ITPR2: variants seen among roughly 807,000 people sequenced by gnomAD.
The protein encoded by ITPR2 is inositol 1,4,5-trisphosphate receptor type 2.
Under a neutral mutation model 317.1 loss-of-function variants are expected in ITPR2, and 207 were observed. That is an observed-to-expected ratio of 0.65 (90% CI 0.58 to 0.73). ITPR2 has a LOEUF of 0.73. Ranked by LOEUF, ITPR2 falls within the 30% of genes least tolerant of loss-of-function variation. The pLI is 0.00. For missense variants in ITPR2, 2,613 were observed against 3,284.0 expected (o/e 0.80, Z 4.99); for synonymous variants, 1,156 against 1,149.1 (o/e 1.01, Z -0.12).
At chr12:26,423,256 T>C (rs1359797046) in intron 49 of ITPR2, among the ~76,000 whole-genome samples, 1 of 152,046 alleles carries the variant, frequency 6.6e-6, no homozygotes, top group Admixed American at 6.6e-5. Flanking sequence ...ATCACTGAAT[T>C]TGTGTATGTT....
intron 2 of ITPR2, among the ~76,000 whole-genome samples, chr12:26,767,138 C>T (rs981314379): frequency 6.6e-6 from 1 of 152,144 alleles, no homozygotes; most frequent in African/African-American, 2.4e-5. Flanking sequence ...CTTGATGGCC[C>T]TGCAGCAGGC....
intron 32 of ITPR2, among the ~76,000 whole-genome samples, chr12:26,593,207 C>T (rs915128717): frequency 6.6e-6 from 1 of 152,144 alleles, no homozygotes; most frequent in African/African-American, 2.4e-5. Context: ...ACCTGCAGCA[C>T]CACTTAGGAA....
Position 26,697,219 on chromosome 12 carries a change from T to C in ITPR2, c.952-1569A>G, listed in dbSNP as rs139397402. On this transcript the variant is annotated intron_variant, in intron 9 of 56. Coordinates refer to ENST00000381340, the MANE Select transcript of ITPR2 (RefSeq NM_002223.4). ...TAGAAAGAGGACTGAATTTTCATAC[T>C]AGAGAATTTAAAAATTGAACAAAAG... is the stretch of plus-strand genomic sequence containing the variant. Among the ~76,000 whole-genome samples, 134 of 152,254 alleles carry C rather than the reference T, an allele frequency of 8.8e-4. 1 individual carries two copies. In the East Asian group the frequency reaches 0.019, roughly 22 times the overall value.
intron 2 of ITPR2, among the ~76,000 whole-genome samples, chr12:26,727,755 G>C (rs963894687): frequency 2.0e-5 from 3 of 152,186 alleles, no homozygotes; most frequent in Admixed American, 2.0e-4. Context: ...AGCTTCACAA[G>C]GGAGCTCTGG....
chr12:26,577,793 G>T (rs1199398325), intron 34 of ITPR2, among the ~76,000 whole-genome samples: 1 of 152,078 alleles, frequency 6.6e-6, no homozygotes, highest in Non-Finnish European at 1.5e-5. Flanking sequence ...ATTTTAAATG[G>T]TCATTAATTA....
At chr12:26,826,320 T>C (rs1217762908) in intron 1 of ITPR2, among the ~76,000 whole-genome samples, 1 of 152,118 alleles carries the variant, frequency 6.6e-6, no homozygotes, top group East Asian at 1.9e-4. Flanking sequence ...TCTACAACTA[T>C]TTAAACATCA....
Position 26,659,144 on chromosome 12 carries a change from C to A in ITPR2, c.1855G>T (p.Val619Phe), listed in dbSNP as rs1340466395. The A allele has an allele frequency of 2.5e-6, 4 of 1,613,392 alleles. No individual in the cohort carries two copies. The Admixed American group carries it at 6.7e-5, about 27-fold the overall frequency. Residue 619 changes from valine (V) to phenylalanine (F), a missense_variant, in exon 16 of 57, where the codon GTC (valine) becomes TTC (phenylalanine). This residue lies in a region of ITPR2 where 515 missense variants were observed against 789.4 expected (regional missense o/e 0.65). Transcript: ENST00000381340. ...TCCCGATTTCTCCTGAGTAAACTGA[C>A]AAATGTTTCTATTTCTTTTGCTGTG... ...HITAKEIETF[V>F]SLLRRNREPR...
Position 26,597,026 on chromosome 12 carries a change from G to A in ITPR2, c.4111C>T (p.Pro1371Ser). 6.2e-7 allele frequency: 1 copy of A among 1,613,996 alleles called. No homozygotes were observed. Among genetic ancestry groups the A allele is most frequent in the East Asian group, 2.2e-5 (1 of 44,868 alleles). Residue 1371 changes from proline to serine, a missense_variant, in exon 31 of 57, where the codon CCC (proline) becomes TCC (serine). By Grantham distance (74) the Pro-to-Ser change is moderately conservative. This residue lies in a region of ITPR2 where 817 missense variants were observed against 897.6 expected (regional missense o/e 0.91). Transcript: ENST00000381340. ...SERDRGDESG[P>S]LAYHITLVEL... is the part of the protein sequence containing the mutation. ...ACCAGGGTGATGTGGTAGGCTAAGG[G>A]GCCACTCTCATCCCCTCGGTCTCTC...
intron 37 of ITPR2, among the ~76,000 whole-genome samples, chr12:26,513,352 G>C (rs1351208671): frequency 6.6e-6 from 1 of 152,050 alleles, no homozygotes; most frequent in Non-Finnish European, 1.5e-5. Context: ...TTTTAACCCA[G>C]TGAAAAAAGA....
intron 54 of ITPR2, among the ~76,000 whole-genome samples, chr12:26,398,252 G>A (rs191657778): frequency 1.2e-4 from 19 of 152,116 alleles, no homozygotes; most frequent in African/African-American, 1.9e-4. Context: ...GCAAAACCCC[G>A]GCTCTACTGA....
intron 55 of ITPR2, among the ~76,000 whole-genome samples, chr12:26,347,166 A>G (rs1412719729): frequency 6.6e-6 from 1 of 152,214 alleles, no homozygotes; most frequent in African/African-American, 2.4e-5. Flanking sequence ...TATATAATCT[A>G]TCCCTATTCT....
intron 21 of ITPR2, among the ~76,000 whole-genome samples, chr12:26,643,405 G>C (rs767523499): frequency 6.6e-6 from 1 of 152,190 alleles, no homozygotes; most frequent in Non-Finnish European, 1.5e-5. Flanking sequence ...GAGTTTTCAT[G>C]TGCATCCAAG....
chr12:26,753,548 G>A (rs975778892), intron 2 of ITPR2, among the ~76,000 whole-genome samples: 14 of 151,822 alleles, frequency 9.2e-5, no homozygotes, highest in Admixed American at 7.2e-4. Flanking sequence ...TAAGTAACTC[G>A]CCTTCCCCAC....
intron 2 of ITPR2, among the ~76,000 whole-genome samples, chr12:26,788,515 C>T (rs1180897204): frequency 6.6e-6 from 1 of 152,156 alleles, no homozygotes; most frequent in African/African-American, 2.4e-5. Context: ...CTATAGTTCA[C>T]CAAAGAGTGT....
chr12:26,728,999 G>T (rs765246831), intron 2 of ITPR2, among the ~76,000 whole-genome samples: 6 of 152,130 alleles, frequency 3.9e-5, no homozygotes, highest in Non-Finnish European at 8.8e-5. Flanking sequence ...TAGGTTGTCT[G>T]TTTACTTTGT....
intron 1 of ITPR2, among the ~76,000 whole-genome samples, chr12:26,806,851 T>C (rs1950646622): frequency 6.6e-6 from 1 of 152,176 alleles, no homozygotes; most frequent in Non-Finnish European, 1.5e-5. Flanking sequence ...ATTGCAACCA[T>C]CTTAATTTAT....
intron 2 of ITPR2, among the ~76,000 whole-genome samples, chr12:26,736,764 T>A (rs1476212242): frequency 1.3e-5 from 2 of 152,232 alleles, no homozygotes; most frequent in East Asian, 3.8e-4. Flanking sequence ...TTAGGCTGAT[T>A]CATATTAGAC....
chr12:26,409,586 A>G (rs1940474011), intron 52 of ITPR2, among the ~76,000 whole-genome samples: 1 of 150,460 alleles, frequency 6.6e-6, no homozygotes, highest in South Asian at 2.1e-4. Context: ...TACAGTTTCC[A>G]TCACATGTTT....
At chr12:26,351,247 C>T (rs944970904) in intron 55 of ITPR2, among the ~76,000 whole-genome samples, 4 of 152,166 alleles carry the variant, frequency 2.6e-5, no homozygotes, top group Admixed American at 6.5e-5. Context: ...CAGAACTGCT[C>T]TCAGCCATCA....
Sources: allele counts gnomAD v4.1 joint callset (sites outside exome capture counted in the v4.1 genomes callset), GRCh38; gene constraint gnomAD v4.1.1; regional missense constraint gnomAD v4.1.1; transcripts MANE v1.5; gene names NCBI Gene and HGNC (gene_info 2026-07-23, HGNC 2026-07-21).